Variants in CORO7 observed in about 807,000 individuals in gnomAD.
CORO7 encodes the protein coronin-7.
Under a neutral mutation model 126.6 loss-of-function variants are expected in CORO7, and 107 were observed. That is an observed-to-expected ratio of 0.85 (90% confidence interval 0.72 to 0.99). The LOEUF (loss-of-function observed/expected upper bound fraction) is 0.99, where lower values mean the gene tolerates loss of function less well. Among genes scored for constraint, CORO7 ranks in the 50% least tolerant of loss-of-function variants. The pLI, the probability that CORO7 is intolerant of heterozygous loss-of-function variation, is 0.00. For synonymous variants in CORO7, 603 were observed against 536.8 expected (o/e 1.12, Z -1.70); for missense variants, 1,314 against 1,255.8 (o/e 1.05, Z -0.70).
chr16:4,357,053 G>A, intron 26 of CORO7, 115 bp downstream of exon 26: 2 of 1,341,378 alleles, frequency 1.5e-6, no homozygotes, highest in South Asian at 2.5e-5. Context: ...GTGTGAAGGG[G>A]ACGTGACATG....
At chr16:4,374,308 G>A (rs1391770852) in intron 9 of CORO7, among the ~76,000 whole-genome samples, 1 of 152,100 alleles carries the variant, frequency 6.6e-6, no homozygotes, top group Non-Finnish European at 1.5e-5. Flanking sequence ...TCCGCGCTGG[G>A]CCGCCGGCCT....
chr16:4,406,736 T>A (rs1486314986), intron 5 of CORO7, among the ~76,000 whole-genome samples: 1 of 151,936 alleles, frequency 6.6e-6, no homozygotes, highest in East Asian at 1.9e-4. Flanking sequence ...GCCTCCTGGG[T>A]TCAGGCAATT....
chr16:4,356,687 G>C (rs533135379), intron 26 of CORO7: 11 of 168,248 alleles, frequency 6.5e-5, no homozygotes, highest in Admixed American at 5.6e-5. Context: ...CCTGCCTTGG[G>C]CTCCCAAAGT....
chr16:4,371,678 G>A (rs1463783819), intron 9 of CORO7, among the ~76,000 whole-genome samples: 4 of 152,258 alleles, frequency 2.6e-5, no homozygotes, highest in Non-Finnish European at 4.4e-5. Context: ...CCCCGCGCAG[G>A]TCAGGTGGCC....
chr16:4,382,929 G>C, intron 9 of CORO7: 4 of 1,466,844 alleles, frequency 2.7e-6, no homozygotes, highest in Non-Finnish European at 3.6e-6. Context: ...GCTGGGGCCG[G>C]GCTCTCAGCC....
In CORO7 at chr16:4,359,652, G is replaced by A. The variant is rs565589919; in HGVS notation, c.2109-31C>T. 1.3e-5 allele frequency: 21 copies of A among 1,566,496 alleles called. No homozygotes were observed. In the African/African-American group the frequency reaches 1.5e-4, roughly 11 times the overall value. ...AGGGGGTTTGGGGGCTGAAGCAGGT[G>A]TTTCAGAGCTGAAGGGGCCTGGGGC... On this transcript the variant is annotated intron_variant, in intron 21 of 27. Transcript: ENST00000251166.
At chr16:4,378,967 C>G (rs560327221) in intron 9 of CORO7, among the ~76,000 whole-genome samples, 1 of 152,064 alleles carries the variant, frequency 6.6e-6, no homozygotes, top group African/African-American at 2.4e-5. Flanking sequence ...GGCCCAACCC[C>G]GGGGACAAGG....
Position 4,364,825 on chromosome 16 carries a change from G to A in CORO7, c.994C>T (p.Gln332Ter), listed in dbSNP as rs1222460100. 5.0e-6 allele frequency: 8 copies of A among 1,612,218 alleles called. No individual in the cohort carries two copies. The highest frequency in any genetic ancestry group is 1.3e-5 in the African/African-American group (1 of 75,060). The change falls in exon 12 of 28, where the codon CAG becomes TAG. Residue 332 changes from glutamine to a stop codon, truncating the protein, a stop_gained. Coordinates refer to ENST00000251166, the MANE Select transcript of CORO7 (RefSeq NM_024535.5). LOFTEE classifies it high-confidence loss of function. ...VMSCEVLRVL[Q>*]LSDTAIVPIG... ...GGCACGATGGCTGTGTCGCTCAGCT[G>A]TAGGACGCGGAGTACCTCGCAGCTC...
At chr16:4,410,197 G>A (rs912880918) in intron 3 of CORO7, among the ~76,000 whole-genome samples, 25 of 152,120 alleles carry the variant, frequency 1.6e-4, no homozygotes, top group African/African-American at 5.6e-4. Flanking sequence ...GGCCAAGGTG[G>A]GAAGATCACT....
At chr16:4,387,823 G>A in intron 9 of CORO7, 163 bp downstream of exon 9, 1 of 824,536 alleles carries the variant, frequency 1.2e-6, no homozygotes, top group Non-Finnish European at 1.9e-6. Context: ...AAGCTCCGGG[G>A]GTACAGGGCC....
intron 8 of CORO7, 97 bp downstream of exon 8, chr16:4,388,448 C>T (rs967997424): frequency 6.3e-5 from 86 of 1,366,518 alleles, no homozygotes; most frequent in Non-Finnish European, 8.1e-5. Context: ...TGGAACTGGC[C>T]CTCAGTCCCC....
chr16:4,375,249 CG>C (rs1230364705), intron 9 of CORO7, among the ~76,000 whole-genome samples: 1 of 152,112 alleles, frequency 6.6e-6, no homozygotes, highest in Non-Finnish European at 1.5e-5. Context: ...CACCTGGGGC[CG>C]GGCCAGCCTC....
intron 9 of CORO7, among the ~76,000 whole-genome samples, chr16:4,386,376 A>G (rs1297120164): frequency 6.6e-6 from 1 of 152,212 alleles, no homozygotes; most frequent in Non-Finnish European, 1.5e-5. Context: ...CACTGGGGGC[A>G]GAGCCTGGAA....
chr16:4,360,949 TTGG>T lies in CORO7; in HGVS notation c.1908_1910del (p.His636del). ...ACCTCTGCAGCCGTCCTACCTGGTC[TTGG>T]TGGCCCTGCAGCTTCAGCCGATCAG... On this transcript the variant is annotated inframe_deletion, in exon 19 of 28. Coordinates refer to ENST00000251166, the MANE Select transcript of CORO7 (RefSeq NM_024535.5). 11 of 1,611,146 alleles carry T rather than the reference TTGG, an allele frequency of 6.8e-6. No individual in the cohort carries two copies. The highest frequency in any genetic ancestry group is 1.1e-5 in the South Asian group (1 of 91,086).
At chr16:4,365,373 C>T (rs2054316323) in intron 10 of CORO7, 118 bp downstream of exon 10, 2 of 1,437,380 alleles carry the variant, frequency 1.4e-6, no homozygotes, top group African/African-American at 1.4e-5. Context: ...CTACAGTCAC[C>T]TTGGCTGCAC....
At chr16:4,369,173 C>T (rs1010064993) in intron 9 of CORO7, among the ~76,000 whole-genome samples, 1 of 152,278 alleles carries the variant, frequency 6.6e-6, no homozygotes, top group African/African-American at 2.4e-5. Context: ...TCAGGCCAGT[C>T]TTCCTTGCCT....
At chr16:4,402,770 C>T (rs2055858621) in intron 6 of CORO7, among the ~76,000 whole-genome samples, 1 of 152,234 alleles carries the variant, frequency 6.6e-6, no homozygotes, top group African/African-American at 2.4e-5. Flanking sequence ...TCCTCCCCGG[C>T]TCATCAGGCT....
intron 1 of CORO7, 48 bp downstream of exon 1, chr16:4,416,411 C>T (rs774731212): frequency 1.3e-6 from 2 of 1,512,254 alleles, no homozygotes; most frequent in East Asian, 5.4e-5. Flanking sequence ...GGAGGGGCAG[C>T]CGGACGGGGC....
intron 14 of CORO7, among the ~76,000 whole-genome samples, chr16:4,363,525 T>C (rs1171129520): frequency 2.0e-5 from 3 of 150,518 alleles, no homozygotes; most frequent in African/African-American, 7.4e-5. Context: ...GCCAACATGG[T>C]GAAAACCCAT....
Sources: gnomAD v4.1 joint callset for allele counts (sites outside exome capture counted in the v4.1 genomes callset) on GRCh38, gnomAD v4.1.1 for gene constraint, MANE v1.5 for transcripts, NCBI Gene and HGNC (gene_info 2026-07-23, HGNC 2026-07-21) for gene names.